Variants in VSIG4 observed in about 807,000 individuals in gnomAD.
VSIG4 encodes the protein V-set and immunoglobulin domain-containing protein 4.
In VSIG4, 34 loss-of-function variants were observed where a neutral mutation model predicts 23.4. That is an observed-to-expected ratio of 1.45 (90% confidence interval 1.10 to 1.93). The LOEUF (loss-of-function observed/expected upper bound fraction) is 1.93. Among genes scored for constraint, VSIG4 ranks in the 30% most tolerant of loss-of-function variants. The probability of loss-of-function intolerance (pLI) is 0.00; values close to 1 mark genes in which losing one functional copy is unlikely to be tolerated. For synonymous variants in VSIG4, 169 were observed against 120.3 expected (o/e 1.41, Z -2.65); for missense variants, 433 against 310.8 (o/e 1.39, Z -2.96).
At chrX:66,027,342 A>G in intron 5 of VSIG4, 107 bp downstream of exon 5, 1 of 674,883 alleles carries the variant, frequency 1.5e-6, no homozygotes, top group East Asian at 3.6e-5. Context: ...CATAGCAGGT[A>G]ATGATTTGCA....
chrX:66,025,378 T>C (rs1286502621), intron 5 of VSIG4, among the ~76,000 whole-genome samples: 1 of 112,000 alleles, frequency 8.9e-6, no homozygotes, highest in Non-Finnish European at 1.9e-5. Context: ...GAGCTAGTTG[T>C]CTATGCTTTC....
In VSIG4 at chrX:66,033,551, G is replaced by T; in HGVS notation, c.335C>A (p.Thr112Lys). 1 of 1,211,595 alleles carries T rather than the reference G, an allele frequency of 8.3e-7. No homozygotes were observed. The highest frequency in any genetic ancestry group is 1.8e-5 in the South Asian group (1 of 56,964). ...TLEMDDRSHY[T>K]CEVTWQTPDG... is the part of the protein sequence containing the mutation. ...AGGAGTCTGCCAGGTGACTTCACAC[G>T]TGTAGTGGCTCCGGTCATCCATCTC... Residue 112 changes from threonine (T) to lysine (K), a missense_variant, in exon 2 of 8, where the codon ACG becomes AAG. Physicochemically the swap from Thr to Lys is moderately conservative, Grantham distance 78 (BLOSUM62 -1). Coordinates refer to ENST00000374737, the MANE Select transcript of VSIG4 (RefSeq NM_007268.3).
intron 2 of VSIG4, among the ~76,000 whole-genome samples, chrX:66,033,244 G>A (rs12012964): frequency 5.9e-4 from 66 of 111,027 alleles, no homozygotes; most frequent in African/African-American, 1.9e-3. Flanking sequence ...TGGGACACTC[G>A]AAGGGATAGA....
In VSIG4 at chrX:66,036,519, TG is replaced by T. The variant is rs1404230073; in HGVS notation, c.56-2690del. On this transcript the variant is annotated intron_variant, in intron 1 of 7. Transcript: ENST00000374737. Reference sequence around the variant, plus strand: ...TACCACATATCTCTCTGTGTGACCTTGGGTAAATTACTAAACCTATCTGAAC... The same window carrying T: ...TACCACATATCTCTCTGTGTGACCTTGGTAAATTACTAAACCTATCTGAAC... Among the ~76,000 whole-genome samples the T allele has an allele frequency of 1.9e-4, 19 of 99,058 alleles. No individual in the cohort carries two copies. In the Admixed American group the frequency reaches 2.2e-3, roughly 11 times the overall value. 86.0% of individuals were successfully genotyped at this position (99,058 alleles called of 115,157 possible).
At position 66,025,091 on chromosome X, in the gene VSIG4, A is replaced by G. The variant is rs1309395950; in HGVS notation, c.874T>C (p.Ser292Pro). Reference protein sequence around the residue: ...LPVFAIILIISLCCMVVFTMA... With the variant: ...LPVFAIILIIPLCCMVVFTMA... The stretch of plus-strand genomic sequence containing the variant: ...GTAAAAACCACCATACAGCACAAGG[A>G]GATGATGAGGATGATGGCAAAGACA... Residue 292 changes from serine to proline, a missense_variant, in exon 6 of 8, where the codon TCC (serine) becomes CCC (proline). Transcript: ENST00000374737. 8.3e-7 allele frequency: 1 copy of G among 1,205,251 alleles called. No homozygotes were observed. Among genetic ancestry groups the G allele is most frequent in the Admixed American group, 2.2e-5 (1 of 45,367 alleles).
intron 1 of VSIG4, among the ~76,000 whole-genome samples, chrX:66,036,701 A>T (rs1160583263): frequency 1.7e-5 from 1 of 57,901 alleles, no homozygotes; most frequent in Non-Finnish European, 2.9e-5. Context: ...TTATTAATAT[A>T]TTATAATTAT....
intron 4 of VSIG4, 120 bp downstream of exon 4, chrX:66,027,930 T>G: frequency 1.5e-6 from 1 of 648,321 alleles, no homozygotes. Context: ...TACTGCTATG[T>G]TCTCTCTGAG....
intron 7 of VSIG4, 71 bp downstream of exon 7, chrX:66,022,770 A>C (rs1160247884): frequency 8.3e-7 from 1 of 1,207,895 alleles, no homozygotes; most frequent in Non-Finnish European, 1.1e-6. Context: ...CCCTTCCTCC[A>C]CATTTCCTGC....
At chrX:66,039,030 T>G (rs987999775) in intron 1 of VSIG4, among the ~76,000 whole-genome samples, 2 of 111,584 alleles carry the variant, frequency 1.8e-5, no homozygotes, top group African/African-American at 6.5e-5. Context: ...TAGATGAGGA[T>G]AGAGCTTCCC....
Position 66,037,643 on chromosome X carries a change from T to G in VSIG4, c.55+2301A>C, listed in dbSNP as rs191443595. Among the ~76,000 whole-genome samples the G allele has an allele frequency of 6.5e-3, 551 of 84,718 alleles. 7 individuals carry two copies. Among genetic ancestry groups the G allele is most frequent in the African/African-American group, 0.023 (499 of 22,050 alleles). 73.6% of individuals were successfully genotyped at this position (84,718 alleles called of 115,157 possible). A position where few individuals can be genotyped will look rare whatever the true frequency, so the allele number is the denominator to read the frequency against. ...TTACTTATATATAATATATAATAATTATATAATTATTACTGATAATTACTT... is the reference window on the plus strand; with the variant it reads ...TTACTTATATATAATATATAATAATGATATAATTATTACTGATAATTACTT... On this transcript the variant is annotated intron_variant, in intron 1 of 7. Transcript: ENST00000374737.
At chrX:66,022,780 C>T in intron 7 of VSIG4, 61 bp downstream of exon 7, 1 of 1,210,214 alleles carries the variant, frequency 8.3e-7, no homozygotes, top group South Asian at 1.8e-5. Context: ...ACATTTCCTG[C>T]CAGTAATCAA....
intron 1 of VSIG4, among the ~76,000 whole-genome samples, chrX:66,037,575 T>C (rs1396711369): frequency 4.2e-5 from 2 of 47,205 alleles, no homozygotes; most frequent in Admixed American, 6.7e-4. Context: ...ATACTTATTA[T>C]ATTATATTAC....
chrX:66,028,002 A>G (rs1467598268), intron 4 of VSIG4, 48 bp downstream of exon 4: 3 of 1,121,200 alleles, frequency 2.7e-6, no homozygotes, highest in Non-Finnish European at 3.7e-6. Flanking sequence ...GGCTACGATG[A>G]CACCATTTTG....
rs747929072 is a variant in VSIG4, at chrX:66,028,109, G to A, written c.698C>T (p.Ser233Phe). 2.0e-5 allele frequency: 24 copies of A among 1,207,612 alleles called. No homozygotes were observed. The Admixed American group carries it at 3.9e-4, about 20-fold the overall frequency. The change falls in exon 4 of 8, where the codon TCC (serine) becomes TTC (phenylalanine). Residue 233 changes from serine (S) to phenylalanine (F), a missense_variant. Coordinates refer to ENST00000374737, the MANE Select transcript of VSIG4 (RefSeq NM_007268.3). ...AGTCTTGGTCTTGAGTAGCTTTGAG[G>A]AGTCTGCAAGGAAAAGGGAACCGAT... ...SDIVKFVVKD[S>F]SKLLKTKTEA...
intron 6 of VSIG4, 67 bp from the exon 7 acceptor site, chrX:66,022,929 C>T: frequency 8.9e-7 from 1 of 1,124,417 alleles, no homozygotes; most frequent in East Asian, 3.0e-5. Context: ...ATCATGGATC[C>T]TGGGTACCAG....
At chrX:66,034,392 T>A (rs747909008) in intron 1 of VSIG4, among the ~76,000 whole-genome samples, 1 of 111,462 alleles carries the variant, frequency 9.0e-6, no homozygotes, top group Non-Finnish European at 1.9e-5. Flanking sequence ...CCTCAGTGAG[T>A]GGGGTCCCAA....
At position 66,032,690 on chromosome X, in the gene VSIG4, C is replaced by T; in HGVS notation, c.472G>A (p.Gly158Arg). The T allele has an allele frequency of 1.7e-6, 2 of 1,211,340 alleles. No homozygotes were observed. Among genetic ancestry groups the T allele is most frequent in the Non-Finnish European group, 2.2e-6 (2 of 895,361 alleles). ...TGGCATTGAAGGCTAATCCTCATTC[C>T]CTGGGGCACCGTGAAGCCATAACCG... ...GSGYGFTVPQGMRISLQCQAR... is the reference protein window; with the variant it reads ...GSGYGFTVPQRMRISLQCQAR... The change falls in exon 3 of 8, where the codon GGA becomes AGA. Residue 158 changes from glycine (G) to arginine (R), a missense_variant. Gly to Arg is a moderately radical substitution (Grantham distance 125). Transcript: ENST00000374737.
chrX:66,026,498 C>T (rs987505415), intron 5 of VSIG4, among the ~76,000 whole-genome samples: 1 of 111,839 alleles, frequency 8.9e-6, no homozygotes. Context: ...TCTCTTCTCC[C>T]AGTAGATGTT....
At chrX:66,035,888 A>G (rs2085532272) in intron 1 of VSIG4, among the ~76,000 whole-genome samples, 1 of 112,375 alleles carries the variant, frequency 8.9e-6, no homozygotes, top group South Asian at 3.7e-4. Flanking sequence ...ATGCATATGC[A>G]GGTCTTCCTT....
Sources: allele counts gnomAD v4.1 joint callset (sites outside exome capture counted in the v4.1 genomes callset), GRCh38; gene constraint gnomAD v4.1.1; transcripts MANE v1.5; gene names NCBI Gene and HGNC (gene_info 2026-07-23, HGNC 2026-07-21).